The following FILIP1 variants were observed in gnomAD, a reference collection of about 807,000 sequenced individuals.
FILIP1 encodes the protein filamin-A-interacting protein 1.
FILIP1 carries 61 observed loss-of-function variants against 102.1 expected under a neutral mutation model. That is an observed-to-expected ratio of 0.60 (90% CI 0.49 to 0.74). The LOEUF is 0.74. FILIP1 is among the 30% of genes least tolerant of loss of function. The probability of loss-of-function intolerance (pLI) is 0.00; values close to 1 mark genes in which losing one functional copy is unlikely to be tolerated. For missense variants in FILIP1, 1,314 were observed against 1,441.2 expected (o/e 0.91, Z 1.43); for synonymous variants, 491 against 526.9 (o/e 0.93, Z 0.93).
chr6:75,401,120 C>T (rs1424973598), intron 2 of FILIP1, among the ~76,000 whole-genome samples: 4 of 152,154 alleles, frequency 2.6e-5, no homozygotes, highest in African/African-American at 7.2e-5. Flanking sequence ...GTGAAGTTTA[C>T]CCAAGCACTT....
intron 1 of FILIP1, among the ~76,000 whole-genome samples, chr6:75,455,738 A>AT (rs1778808415): frequency 6.6e-6 from 1 of 152,104 alleles, no homozygotes; most frequent in Non-Finnish European, 1.5e-5. Context: ...TACCTCTTAG[A>AT]TTTTCCATTC....
chr6:75,377,429 ACATCT>A (rs1775783219), intron 2 of FILIP1, among the ~76,000 whole-genome samples: 1 of 152,202 alleles, frequency 6.6e-6, no homozygotes, highest in Non-Finnish European at 1.5e-5. Context: ...TTGAACATGA[ACATCT>A]CATATGTACT....
chr6:75,296,060 A>T, intron 6 of FILIP1: 1 of 683,896 alleles, frequency 1.5e-6, no homozygotes, highest in Non-Finnish European at 2.1e-6. Context: ...AAACAAAAAC[A>T]GGTACATGAG....
intron 1 of FILIP1, among the ~76,000 whole-genome samples, chr6:75,430,001 C>A (rs1777773073): frequency 6.6e-6 from 1 of 152,136 alleles, no homozygotes; most frequent in South Asian, 2.1e-4. Flanking sequence ...TGGCTTTGTG[C>A]CCTCACCCAA....
chr6:75,430,515 T>A (rs900750452), intron 1 of FILIP1, among the ~76,000 whole-genome samples: 1 of 152,066 alleles, frequency 6.6e-6, no homozygotes, highest in African/African-American at 2.4e-5. Flanking sequence ...AAATATTATA[T>A]GTATATAGTA....
chr6:75,298,668 G>A (rs1225178648), intron 6 of FILIP1, among the ~76,000 whole-genome samples: 2 of 152,108 alleles, frequency 1.3e-5, no homozygotes, highest in Non-Finnish European at 2.9e-5. Flanking sequence ...TGTAATCCCA[G>A]CACTTTGGGA....
intron 1 of FILIP1, among the ~76,000 whole-genome samples, chr6:75,471,619 A>G (rs1779333274): frequency 6.6e-6 from 1 of 152,178 alleles, no homozygotes; most frequent in Non-Finnish European, 1.5e-5. Context: ...GGAAGCAAGT[A>G]CAACAATCTT....
chr6:75,465,396 T>C, intron 1 of FILIP1: 2 of 548,428 alleles, frequency 3.6e-6, no homozygotes, highest in Non-Finnish European at 6.4e-6. Context: ...TTAATCTGAA[T>C]GGAGTTACTA....
intron 1 of FILIP1, among the ~76,000 whole-genome samples, chr6:75,416,656 G>A (rs1318108648): frequency 1.3e-5 from 2 of 151,454 alleles, no homozygotes; most frequent in African/African-American, 2.4e-5. Flanking sequence ...ATGGCTCACA[G>A]TTAAGACACA....
At chr6:75,405,224 T>C (rs1408553170) in intron 2 of FILIP1, among the ~76,000 whole-genome samples, 1 of 152,190 alleles carries the variant, frequency 6.6e-6, no homozygotes, top group Non-Finnish European at 1.5e-5. Context: ...CTTTTACTTT[T>C]TAAAAATCCC....
intron 1 of FILIP1, among the ~76,000 whole-genome samples, chr6:75,492,706 TAA>T (rs1779999875): frequency 6.6e-6 from 1 of 152,200 alleles, no homozygotes; most frequent in African/African-American, 2.4e-5. Flanking sequence ...GTTTTCTAAT[TAA>T]GTTTTTAAAA....
At chr6:75,492,792 G>C (rs1780002623) in intron 1 of FILIP1, among the ~76,000 whole-genome samples, 1 of 152,132 alleles carries the variant, frequency 6.6e-6, no homozygotes, top group Non-Finnish European at 1.5e-5. Flanking sequence ...ATCTTGAGTA[G>C]TTATATTCAA....
intron 1 of FILIP1, among the ~76,000 whole-genome samples, chr6:75,432,105 A>G (rs781591822): frequency 6.6e-6 from 1 of 152,198 alleles, no homozygotes; most frequent in East Asian, 1.9e-4. Flanking sequence ...CAGTTTTACC[A>G]AAATAGTTCC....
At chr6:75,388,714 G>C (rs1039165833) in intron 2 of FILIP1, among the ~76,000 whole-genome samples, 1 of 152,108 alleles carries the variant, frequency 6.6e-6, no homozygotes, top group African/African-American at 2.4e-5. Flanking sequence ...TGTGATTTTT[G>C]CATATTGATT....
intron 4 of FILIP1, among the ~76,000 whole-genome samples, chr6:75,320,251 T>C (rs1773603552): frequency 6.6e-6 from 1 of 152,164 alleles, no homozygotes; most frequent in African/African-American, 2.4e-5. Context: ...AGATATAAAC[T>C]TGAATTAGAA....
At chr6:75,364,202 C>A (rs1447645464) in intron 2 of FILIP1, among the ~76,000 whole-genome samples, 1 of 152,092 alleles carries the variant, frequency 6.6e-6, no homozygotes, top group Non-Finnish European at 1.5e-5. Flanking sequence ...TTTTGAAGAA[C>A]CCAGTGGTTT....
At chr6:75,414,012 C>G (rs773803936) in intron 2 of FILIP1, among the ~76,000 whole-genome samples, 2 of 150,364 alleles carry the variant, frequency 1.3e-5, no homozygotes, top group Admixed American at 1.3e-4. Context: ...TCCGGACAAA[C>G]CTTCAATCCT....
chr6:75,368,532 G>A (rs1474665490), intron 2 of FILIP1, among the ~76,000 whole-genome samples: 3 of 152,160 alleles, frequency 2.0e-5, no homozygotes, highest in Non-Finnish European at 4.4e-5. Flanking sequence ...ATATGACATA[G>A]TAAGCCTTAG....
At position 75,450,160 on chromosome 6, in the gene FILIP1, G is replaced by A. The variant is rs1031515039; in HGVS notation, c.-6-35182C>T. Among the ~76,000 whole-genome samples, 7 of 152,002 alleles carry A rather than the reference G, an allele frequency of 4.6e-5. 1 individual carries two copies. The highest frequency in any genetic ancestry group is 1.3e-4 in the Admixed American group (2 of 15,270). The stretch of plus-strand genomic sequence containing the variant: ...GCAGGGCCAAGGAAGTGGCCCGGGC[G>A]GGTGGAGGGATCTTGCTATGTTGCC... On this transcript the variant is annotated intron_variant, in intron 1 of 5. Transcript: ENST00000237172.
Sources: gnomAD v4.1 joint callset for allele counts (sites outside exome capture counted in the v4.1 genomes callset) on GRCh38, gnomAD v4.1.1 for gene constraint, MANE v1.5 for transcripts, NCBI Gene and HGNC (gene_info 2026-07-23, HGNC 2026-07-21) for gene names.